IPCEF1: variants seen among roughly 807,000 people sequenced by gnomAD.
IPCEF1 encodes the protein interaction protein for cytohesin exchange factors 1.
IPCEF1 carries 31 observed loss-of-function variants against 50.9 expected under a neutral mutation model. The ratio of observed to expected loss-of-function variants is 0.61; its 90% CI spans 0.46 to 0.82. The LOEUF (loss-of-function observed/expected upper bound fraction) is 0.82. Among genes scored for constraint, IPCEF1 ranks in the 40% least tolerant of loss-of-function variants. The pLI, the probability that IPCEF1 is intolerant of heterozygous loss-of-function variation, is 0.00. For missense variants in IPCEF1, 458 were observed against 514.0 expected, an observed-to-expected ratio of 0.89 and a Z score of 1.05; for synonymous variants, 181 against 192.0, an observed-to-expected ratio of 0.94 and a Z score of 0.47.
intron 2 of IPCEF1, among the ~76,000 whole-genome samples, chr6:154,285,754 A>G (rs960226336): frequency 6.6e-6 from 1 of 152,180 alleles, no homozygotes; most frequent in Non-Finnish European, 1.5e-5. Context: ...AGTTTTTAAC[A>G]CAGAGTTTAT....
At chr6:154,255,252 T>C (rs1168893042) in intron 3 of IPCEF1, among the ~76,000 whole-genome samples, 1 of 152,204 alleles carries the variant, frequency 6.6e-6, no homozygotes, top group Non-Finnish European at 1.5e-5. Context: ...CCATAGGCAG[T>C]AAATTCTCAG....
chr6:154,188,109 T>A (rs1480262328), intron 10 of IPCEF1, among the ~76,000 whole-genome samples: 1 of 152,152 alleles, frequency 6.6e-6, no homozygotes, highest in Non-Finnish European at 1.5e-5. Context: ...ATCATATACA[T>A]AAAAAAATTT....
chr6:154,347,837 G>A (rs1562298088), intron 1 of IPCEF1, among the ~76,000 whole-genome samples: 1 of 152,184 alleles, frequency 6.6e-6, no homozygotes, highest in Non-Finnish European at 1.5e-5. Context: ...GTGGACAGTG[G>A]TTTGGTGCTC....
intron 5 of IPCEF1, among the ~76,000 whole-genome samples, chr6:154,234,491 C>A (rs1779960984): frequency 6.6e-6 from 1 of 152,240 alleles, no homozygotes; most frequent in African/African-American, 2.4e-5. Context: ...GGATGCTATT[C>A]CCCTTGCAGA....
At chr6:154,165,031 GTTAAAA>G (rs745443817) in intron 11 of IPCEF1, among the ~76,000 whole-genome samples, 4 of 152,068 alleles carry the variant, frequency 2.6e-5, no homozygotes, top group Non-Finnish European at 5.9e-5. Context: ...AAACATTATT[GTTAAAA>G]CAGTTTCCTT....
chr6:154,349,183 CTTATTA>C (rs149749046), intron 1 of IPCEF1, among the ~76,000 whole-genome samples: 3,772 of 147,576 alleles, frequency 0.026, 76 homozygotes, highest in Middle Eastern at 0.054. Flanking sequence ...ATTATTTTAT[CTTATTA>C]TTATTATTAT....
At chr6:154,242,330 T>C (rs1014315853) in intron 5 of IPCEF1, among the ~76,000 whole-genome samples, 9 of 152,210 alleles carry the variant, frequency 5.9e-5, no homozygotes, top group African/African-American at 1.9e-4. Context: ...GGAAATCCTT[T>C]CCTGGAAAAC....
intron 1 of IPCEF1, among the ~76,000 whole-genome samples, chr6:154,327,499 C>G (rs1487259119): frequency 6.6e-6 from 1 of 152,020 alleles, no homozygotes; most frequent in African/African-American, 2.4e-5. Flanking sequence ...TAGAGACATG[C>G]AAATCAAAAC....
chr6:154,295,054 C>T (rs1395715948), intron 1 of IPCEF1, among the ~76,000 whole-genome samples: 4 of 151,878 alleles, frequency 2.6e-5, no homozygotes, highest in South Asian at 2.1e-4. Context: ...AAAAATTAGT[C>T]GGGTGTGGTG....
At chr6:154,175,522 C>T (rs1276207466) in intron 10 of IPCEF1, among the ~76,000 whole-genome samples, 2 of 151,856 alleles carry the variant, frequency 1.3e-5, no homozygotes, top group Non-Finnish European at 1.5e-5. Flanking sequence ...TACAAACTAC[C>T]ATCAGAGAAT....
intron 1 of IPCEF1, among the ~76,000 whole-genome samples, chr6:154,354,301 C>T (rs541895446): frequency 7.2e-5 from 11 of 151,832 alleles, no homozygotes; most frequent in South Asian, 2.1e-4. Flanking sequence ...CCACCATCTC[C>T]GCCATCTGTA....
intron 1 of IPCEF1, among the ~76,000 whole-genome samples, chr6:154,303,457 G>C (rs954800394): frequency 2.6e-5 from 4 of 152,176 alleles, no homozygotes; most frequent in African/African-American, 9.7e-5. Flanking sequence ...CAGAACACGA[G>C]AGGGTTGTTT....
intron 1 of IPCEF1, among the ~76,000 whole-genome samples, chr6:154,305,845 C>T (rs1562587324): frequency 6.6e-6 from 1 of 152,190 alleles, no homozygotes. Flanking sequence ...TATCAGACTC[C>T]AAGTTCTTCA....
intron 1 of IPCEF1, among the ~76,000 whole-genome samples, chr6:154,344,390 T>C (rs180951623): frequency 1.1e-3 from 168 of 152,294 alleles, no homozygotes; most frequent in African/African-American, 3.8e-3. Flanking sequence ...TAAATCATTA[T>C]CACCAAAGAT....
At position 154,326,624 on chromosome 6, in the gene IPCEF1, G is replaced by A. The variant is rs146535054; in HGVS notation, c.-62+30048C>T. 6.6e-3 allele frequency among the ~76,000 whole-genome samples: 1,001 copies of A among 152,266 alleles called. 5 individuals carry two copies. The highest frequency in any genetic ancestry group is 0.012 in the Non-Finnish European group (800 of 68,016). ...TGAATCGGAAGAATTAATATCATGA[G>A]AATGGCCATATTGCTCAAAGTAACT... On this transcript the variant is annotated intron_variant, in intron 1 of 11. Coordinates refer to ENST00000367220, the MANE Select transcript of IPCEF1 (RefSeq NM_001130700.2).
At chr6:154,225,893 C>T (rs537456135) in intron 5 of IPCEF1, among the ~76,000 whole-genome samples, 46 of 152,320 alleles carry the variant, frequency 3.0e-4, no homozygotes, top group Admixed American at 6.5e-4. Flanking sequence ...ACTGTAGAGA[C>T]CAAAACTCCA....
intron 1 of IPCEF1, among the ~76,000 whole-genome samples, chr6:154,322,914 C>T: frequency 6.6e-6 from 1 of 151,900 alleles, no homozygotes; most frequent in East Asian, 1.9e-4. Context: ...AATTGTAATA[C>T]ATGAACTATA....
At chr6:154,196,093 CT>C (rs1025402840) in intron 10 of IPCEF1, among the ~76,000 whole-genome samples, 4 of 152,214 alleles carry the variant, frequency 2.6e-5, no homozygotes, top group South Asian at 2.1e-4. Flanking sequence ...CCCAGTCCCC[CT>C]GGTTCACATT....
chr6:154,264,489 C>T (rs1475544399), intron 3 of IPCEF1, among the ~76,000 whole-genome samples: 1 of 152,102 alleles, frequency 6.6e-6, no homozygotes. Context: ...CCTTTCGCCT[C>T]AGCCTCCCGA....
Sources: allele counts gnomAD v4.1 joint callset (sites outside exome capture counted in the v4.1 genomes callset), GRCh38; gene constraint gnomAD v4.1.1; transcripts MANE v1.5; gene names NCBI Gene and HGNC (gene_info 2026-07-23, HGNC 2026-07-21).